Variants in SLC9A9 observed in about 807,000 individuals in gnomAD.
SLC9A9 encodes the protein solute carrier family 9 member A9.
In SLC9A9, 62 loss-of-function variants were observed where a neutral mutation model predicts 77.8. The ratio of observed to expected loss-of-function variants is 0.80; its 90% CI spans 0.65 to 0.98. The LOEUF (loss-of-function observed/expected upper bound fraction) is 0.98. Among genes scored for constraint, SLC9A9 ranks in the 50% least tolerant of loss-of-function variants. The pLI, the probability that SLC9A9 is intolerant of heterozygous loss-of-function variation, is 0.00. For missense variants in SLC9A9, 775 were observed against 774.9 expected (o/e 1.00, Z 0.00); for synonymous variants, 320 against 283.5 (o/e 1.13, Z -1.29).
chr3:143,819,059 G>A (rs113851257), intron 2 of SLC9A9, among the ~76,000 whole-genome samples: 5,484 of 152,204 alleles, frequency 0.036, 324 homozygotes, highest in African/African-American at 0.12. Context: ...TCCAGCCTGG[G>A]CAACAAGAGT....
chr3:143,704,260 C>T (rs760513052), intron 4 of SLC9A9, among the ~76,000 whole-genome samples: 9 of 152,018 alleles, frequency 5.9e-5, no homozygotes, highest in South Asian at 4.1e-4. Flanking sequence ...GACCAGACAA[C>T]GACACATCAA....
At chr3:143,468,252 T>G (rs1358093520) in intron 11 of SLC9A9, among the ~76,000 whole-genome samples, 1 of 152,262 alleles carries the variant, frequency 6.6e-6, no homozygotes, top group Non-Finnish European at 1.5e-5. Context: ...CTCAATTGTT[T>G]TCCAGAGTGG....
Position 143,355,783 on chromosome 3 carries a change from A to G in SLC9A9, c.1604+7701T>C, listed in dbSNP as rs148176395. 2.0e-3 allele frequency among the ~76,000 whole-genome samples: 303 copies of G among 152,342 alleles called. 3 individuals carry two copies. The highest frequency in any genetic ancestry group is 6.8e-3 in the Middle Eastern group (2 of 294). On this transcript the variant is annotated intron_variant, in intron 14 of 15. Coordinates refer to ENST00000316549, the MANE Select transcript of SLC9A9 (RefSeq NM_173653.4). ...ATAAACGTGATAAGCGAGTGAATAA[A>G]TTGATGAGGAAAGTCTAATGTGGTG...
chr3:143,606,436 C>CTCTCTCTATATATATA (rs1419410834), intron 6 of SLC9A9, among the ~76,000 whole-genome samples: 127 of 54,186 alleles, frequency 2.3e-3, no homozygotes, highest in East Asian at 5.9e-3. Flanking sequence ...CTCTCTCTCT[C>CTCTCTCTATATATATA]TATATATATA....
intron 2 of SLC9A9, among the ~76,000 whole-genome samples, chr3:143,814,110 G>T (rs1284974584): frequency 6.6e-6 from 1 of 152,184 alleles, no homozygotes; most frequent in Non-Finnish European, 1.5e-5. Flanking sequence ...GGTAAAAATA[G>T]AAAACTCCAT....
intron 14 of SLC9A9, among the ~76,000 whole-genome samples, chr3:143,289,458 C>T (rs1251843718): frequency 6.6e-6 from 1 of 152,142 alleles, no homozygotes; most frequent in Non-Finnish European, 1.5e-5. Context: ...TTATATTTGT[C>T]CTGTCCAAAA....
chr3:143,489,854 T>C (rs962564576), intron 11 of SLC9A9, among the ~76,000 whole-genome samples: 5 of 152,056 alleles, frequency 3.3e-5, no homozygotes, highest in African/African-American at 1.2e-4. Context: ...AAAAAATGGC[T>C]TAAGACTTGA....
At chr3:143,647,547 A>C (rs1431958285) in intron 6 of SLC9A9, among the ~76,000 whole-genome samples, 1 of 152,230 alleles carries the variant, frequency 6.6e-6, no homozygotes, top group Non-Finnish European at 1.5e-5. Context: ...ATTATTTTTC[A>C]TCCTTTGCCT....
intron 12 of SLC9A9, among the ~76,000 whole-genome samples, chr3:143,417,104 AGAAG>A (rs2034209478): frequency 6.6e-6 from 1 of 152,058 alleles, no homozygotes; most frequent in African/African-American, 2.4e-5. Flanking sequence ...GATATAGGAG[AGAAG>A]GAAGGGATAG....
At chr3:143,809,936 A>G (rs2008820028) in intron 2 of SLC9A9, among the ~76,000 whole-genome samples, 1 of 152,206 alleles carries the variant, frequency 6.6e-6, no homozygotes, top group Non-Finnish European at 1.5e-5. Flanking sequence ...TAAAATTTAT[A>G]CTATTTCCTT....
At chr3:143,639,142 A>T (rs9878014) in intron 6 of SLC9A9, among the ~76,000 whole-genome samples, 64,428 of 152,064 alleles carry the variant, frequency 0.42, 13,795 homozygotes, top group East Asian at 0.5. Flanking sequence ...AACTATTTAT[A>T]GAGTTTTGTC....
Position 143,832,234 on chromosome 3 carries a change from G to A in SLC9A9, c.176-13C>T. The stretch of plus-strand genomic sequence containing the variant: ...CCCATTATAAGGCCTAAAAAAAAAA[G>A]AATAAATAATGGTACTGGAGGAAGG... On this transcript the variant is annotated splice_polypyrimidine_tract_variant and intron_variant, in intron 1 of 15. Transcript: ENST00000316549. 1 of 1,584,182 alleles carries A rather than the reference G, an allele frequency of 6.3e-7. No homozygotes were observed. Among genetic ancestry groups the A allele is most frequent in the Non-Finnish European group, 8.6e-7 (1 of 1,157,638 alleles).
At chr3:143,723,268 C>CA (rs113242104) in intron 4 of SLC9A9, among the ~76,000 whole-genome samples, 2,739 of 151,736 alleles carry the variant, frequency 0.018, 74 homozygotes, top group African/African-American at 0.061. Flanking sequence ...AAAAATGAAA[C>CA]AAAAACAAAG....
chr3:143,797,052 T>C (rs1224104399), intron 2 of SLC9A9, 149 bp from the exon 3 acceptor site: 2 of 619,262 alleles, frequency 3.2e-6, no homozygotes, highest in African/African-American at 3.7e-5. Context: ...TAGGAAAAAA[T>C]GAAAATTTGG....
At chr3:143,467,829 A>ATTCCT (rs2035311375) in intron 11 of SLC9A9, among the ~76,000 whole-genome samples, 2 of 152,050 alleles carry the variant, frequency 1.3e-5, no homozygotes, top group African/African-American at 4.8e-5. Flanking sequence ...TCCCTCCCAC[A>ATTCCT]TACTCACTCC....
At chr3:143,399,518 G>C (rs2033803030) in intron 12 of SLC9A9, among the ~76,000 whole-genome samples, 1 of 152,068 alleles carries the variant, frequency 6.6e-6, no homozygotes, top group Admixed American at 6.6e-5. Context: ...AATACTATTG[G>C]GAAGAAGTTG....
chr3:143,846,424 G>A (rs1576768456), intron 1 of SLC9A9, among the ~76,000 whole-genome samples: 1 of 152,194 alleles, frequency 6.6e-6, no homozygotes, highest in East Asian at 1.9e-4. Flanking sequence ...TTCTGTTCAT[G>A]ATGGAGATAG....
rs373010802 is a variant in SLC9A9, at chr3:143,266,771, C to T, written c.1869G>A (p.Glu623=). ...PQTPGKENIY[E]GDLGLGGYEL... ...CATAGCCTCCCAGGCCGAGGTCTCC[C>T]TCATAAATGTTTTCCTTGCCTGGCG... Residue 623 remains glutamate, a synonymous_variant, in exon 16 of 16, where the codon GAG becomes GAA. Transcript: ENST00000316549. 6.3e-5 allele frequency: 101 copies of T among 1,614,080 alleles called. No homozygotes were observed. The highest frequency in any genetic ancestry group is 1.6e-4 in the Middle Eastern group (1 of 6,084).
intron 13 of SLC9A9, among the ~76,000 whole-genome samples, chr3:143,367,596 G>A (rs985227657): frequency 6.6e-6 from 1 of 152,178 alleles, no homozygotes; most frequent in African/African-American, 2.4e-5. Context: ...AATGTGCTAA[G>A]GGAAGGCCGG....
Sources: gnomAD v4.1 joint callset for allele counts (sites outside exome capture counted in the v4.1 genomes callset) on GRCh38, gnomAD v4.1.1 for gene constraint, MANE v1.5 for transcripts, NCBI Gene and HGNC (gene_info 2026-07-23, HGNC 2026-07-21) for gene names.